The following ANO5 variants were observed in gnomAD, a reference collection of about 807,000 sequenced individuals.
ANO5 encodes the protein anoctamin 5.
Under a neutral mutation model 121.0 loss-of-function variants are expected in ANO5, and 109 were observed. That is an observed-to-expected ratio of 0.90 (90% CI 0.77 to 1.06). The LOEUF (loss-of-function observed/expected upper bound fraction) is 1.06, where lower values mean the gene tolerates loss of function less well. Among genes scored for constraint, ANO5 ranks in the 50% least tolerant of loss-of-function variants. ANO5 has a pLI of 0.00. For missense variants in ANO5, 1,064 were observed against 1,078.5 expected (o/e 0.99, Z 0.19); for synonymous variants, 406 against 359.9 (o/e 1.13, Z -1.45).
At chr11:22,254,060 G>T (rs1022504439) in intron 12 of ANO5, among the ~76,000 whole-genome samples, 1 of 152,020 alleles carries the variant, frequency 6.6e-6, no homozygotes, top group African/African-American at 2.4e-5. Flanking sequence ...TTTAATAAAT[G>T]TTTAAATATT....
At chr11:22,237,061 G>A (rs1318079223) in intron 8 of ANO5, among the ~76,000 whole-genome samples, 4 of 152,052 alleles carry the variant, frequency 2.6e-5, no homozygotes, top group Non-Finnish European at 5.9e-5. Context: ...ACCACCTATT[G>A]GCAGTGGAAA....
At chr11:22,196,012 G>A (rs1042305985) in intron 1 of ANO5, among the ~76,000 whole-genome samples, 9 of 152,122 alleles carry the variant, frequency 5.9e-5, no homozygotes, top group African/African-American at 1.9e-4. Context: ...ATTTTTAGAT[G>A]TTTCTTAGCA....
intron 2 of ANO5, among the ~76,000 whole-genome samples, chr11:22,209,867 TG>T (rs11286721): frequency 0.69 from 104,344 of 151,316 alleles, 38,262 homozygotes; most frequent in Non-Finnish European, 0.83. Flanking sequence ...TCTATGCTTC[TG>T]TAAGCAAAAC....
intron 7 of ANO5, among the ~76,000 whole-genome samples, chr11:22,233,991 G>A (rs569396561): frequency 3.9e-5 from 6 of 152,194 alleles, no homozygotes; most frequent in Admixed American, 2.6e-4. Context: ...TGGCAAAGCC[G>A]TATTTCATCT....
chr11:22,200,626 G>C (rs553044487), intron 1 of ANO5, among the ~76,000 whole-genome samples: 3 of 152,102 alleles, frequency 2.0e-5, no homozygotes, highest in African/African-American at 7.2e-5. Context: ...ATATAGTCTG[G>C]TGCCATAGCC....
At position 22,258,898 on chromosome 11, in the gene ANO5, C is replaced by T. The variant is rs370667355; in HGVS notation, c.1408-621C>T. Among the ~76,000 whole-genome samples, 7 of 152,178 alleles carry T rather than the reference C, an allele frequency of 4.6e-5. No individual in the cohort carries two copies. The East Asian group carries it at 1.2e-3, about 25-fold the overall frequency. On this transcript the variant is annotated intron_variant, in intron 14 of 21. Coordinates refer to ENST00000324559, the MANE Select transcript of ANO5 (RefSeq NM_213599.3). ...CCTGTAATCCCAGCACTTTGGGAGG[C>T]CAAGGTAGGCAGATCACGAGGTCAG... is the stretch of plus-strand genomic sequence containing the variant.
chr11:22,262,065 G>A lies in ANO5; in HGVS notation c.1631-64G>A. On this transcript the variant is annotated intron_variant, in intron 15 of 21. Transcript: ENST00000324559. Reference sequence around the variant, plus strand: ...TGTGACTAGATGTTCACTTGTCCTAGGGAGTACGAAGTTCAAGGAAAAAAA... The same window carrying A: ...TGTGACTAGATGTTCACTTGTCCTAAGGAGTACGAAGTTCAAGGAAAAAAA... 3.3e-6 allele frequency: 5 copies of A among 1,505,774 alleles called. No individual in the cohort carries two copies. In the South Asian group the frequency reaches 5.7e-5, roughly 17 times the overall value. The allele number at this position is 1,505,774 out of a possible 1,614,324, so 93.3% of individuals were successfully genotyped here. A position where few individuals can be genotyped will look rare whatever the true frequency, so the allele number is the denominator to read the frequency against.
intron 5 of ANO5, among the ~76,000 whole-genome samples, chr11:22,224,264 AATC>A (rs1852752927): frequency 6.6e-6 from 1 of 152,000 alleles, no homozygotes; most frequent in Admixed American, 6.6e-5. Context: ...TATATACATT[AATC>A]ATACAATCCC....
intron 9 of ANO5, among the ~76,000 whole-genome samples, chr11:22,246,142 T>C (rs879569032): frequency 6.6e-6 from 1 of 152,186 alleles, no homozygotes; most frequent in Non-Finnish European, 1.5e-5. Context: ...CTTCTCTTTG[T>C]ATCTGATTCT....
intron 2 of ANO5, among the ~76,000 whole-genome samples, chr11:22,208,215 G>A (rs1348964511): frequency 6.6e-6 from 1 of 151,924 alleles, no homozygotes; most frequent in South Asian, 2.1e-4. Flanking sequence ...ATATTCATAC[G>A]CAAAACCTAA....
At position 22,226,014 on chromosome 11, in the gene ANO5, A is replaced by T. The variant is rs1478457730; in HGVS notation, c.325A>T (p.Arg109Ter). The T allele has an allele frequency of 6.2e-7, 1 of 1,608,628 alleles. No homozygotes were observed. The highest frequency in any genetic ancestry group is 1.7e-4 in the Middle Eastern group (1 of 6,042). Residue 109 changes from arginine to a stop codon, truncating the protein, a stop_gained, in exon 6 of 22, where the codon AGA becomes TGA. Transcript: ENST00000324559. LOFTEE classifies it high-confidence loss of function. Reference sequence around the variant, plus strand: ...AAGAAAAGAGTTTGAAACTAATCTCAGAAAAACAGGTCTTGAGTTGGAAAT... The same window carrying T: ...AAGAAAAGAGTTTGAAACTAATCTCTGAAAAACAGGTCTTGAGTTGGAAAT... ...ERRKEFETNLRKTGLELEIED... is the reference protein window; with the variant it reads ...ERRKEFETNL
intron 19 of ANO5, among the ~76,000 whole-genome samples, chr11:22,274,334 G>T (rs375565355): frequency 3.5e-4 from 53 of 152,058 alleles, no homozygotes; most frequent in African/African-American, 1.2e-3. Flanking sequence ...GATACATTTC[G>T]GTCTGACTCT....
chr11:22,279,748 G>A lies in ANO5; in HGVS notation c.2725G>A (p.Ala909Thr), dbSNP rs754963729. The A allele has an allele frequency of 6.2e-7, 1 of 1,612,054 alleles. No homozygotes were observed. Residue 909 changes from alanine to threonine, a missense_variant, in exon 22 of 22, where the codon GCT (alanine) becomes ACT (threonine). Transcript: ENST00000324559. ...VMIEENKAQL[A>T]KSTL is the part of the protein sequence containing the mutation. Reference sequence around the variant, plus strand: ...GATTGAGGAAAACAAAGCACAGCTGGCTAAATCAACACTCTAATCAGTATA... The same window carrying A: ...GATTGAGGAAAACAAAGCACAGCTGACTAAATCAACACTCTAATCAGTATA...
intron 19 of ANO5, among the ~76,000 whole-genome samples, chr11:22,273,660 A>G (rs559849792): frequency 6.6e-6 from 1 of 152,060 alleles, no homozygotes; most frequent in East Asian, 1.9e-4. Flanking sequence ...AATCAAATTG[A>G]TAGTAGTAAA....
intron 7 of ANO5, among the ~76,000 whole-genome samples, chr11:22,232,673 T>G (rs1366805793): frequency 1.3e-5 from 2 of 152,030 alleles, no homozygotes; most frequent in African/African-American, 2.4e-5. Flanking sequence ...TTTTTGTGCC[T>G]TGTACAAAAT....
intron 3 of ANO5, among the ~76,000 whole-genome samples, chr11:22,217,949 TAAATA>T (rs780104891): frequency 7.6e-4 from 115 of 152,076 alleles, no homozygotes; most frequent in Middle Eastern, 3.4e-3. Context: ...AAAGTAGAAA[TAAATA>T]AAATAAAATA....
chr11:22,265,942 T>C (rs1467133875), intron 17 of ANO5, among the ~76,000 whole-genome samples: 1 of 152,088 alleles, frequency 6.6e-6, no homozygotes, highest in Non-Finnish European at 1.5e-5. Flanking sequence ...TTACAGAAAT[T>C]TGTGCTCTAG....
intron 1 of ANO5, among the ~76,000 whole-genome samples, 176 bp downstream of exon 1, chr11:22,193,708 G>A (rs1357511670): frequency 1.3e-5 from 2 of 152,146 alleles, no homozygotes; most frequent in East Asian, 3.9e-4. Context: ...CCCCCGCCTG[G>A]GGTGAGTGGG....
chr11:22,276,597 G>A (rs7949436), intron 21 of ANO5, among the ~76,000 whole-genome samples: 1 of 151,832 alleles, frequency 6.6e-6, no homozygotes, highest in East Asian at 1.9e-4. Context: ...GCAAAAATAA[G>A]TAGCTGGCTT....
Sources: gnomAD v4.1 joint callset for allele counts (sites outside exome capture counted in the v4.1 genomes callset) on GRCh38, gnomAD v4.1.1 for gene constraint, MANE v1.5 for transcripts, NCBI Gene and HGNC (gene_info 2026-07-23, HGNC 2026-07-21) for gene names.